TEX46: variants seen among roughly 807,000 people sequenced by gnomAD.
TEX46 encodes testis expressed 46.
Under a neutral mutation model 5.3 loss-of-function variants are expected in TEX46, and 6 were observed. The observed-to-expected ratio is 1.13, with a 90% CI of 0.62 to 2.23. TEX46 has a LOEUF of 2.23. Among genes scored for constraint, TEX46 ranks in the 30% most tolerant of loss-of-function variants. The pLI is 0.00. For missense variants in TEX46, 131 were observed against 150.9 expected, an observed-to-expected ratio of 0.87 and a Z score of 0.69; for synonymous variants, 41 against 54.6, an observed-to-expected ratio of 0.75 and a Z score of 1.10.
intron 1 of TEX46, among the ~76,000 whole-genome samples, chr1:23,015,375 G>A (rs1433384536): frequency 7.1e-6 from 1 of 140,746 alleles, no homozygotes; most frequent in Admixed American, 7.5e-5. Flanking sequence ...GGCAGAGGTT[G>A]CAGTGAGCCG....
At chr1:23,012,406 A>G (rs12135629) in intron 2 of TEX46, among the ~76,000 whole-genome samples, 65,889 of 151,198 alleles carry the variant, frequency 0.44, 14,962 homozygotes, top group East Asian at 0.54. Flanking sequence ...TCAGGCATGC[A>G]AAAAGGTAAA....
chr1:23,011,060 C>T lies in TEX46; in HGVS notation c.207G>A (p.Met69Ile). The change falls in exon 3 of 3, where the codon ATG becomes ATA. Residue 69 changes from methionine (M) to isoleucine (I), a missense_variant. Transcript: ENST00000566855. ...TGAACATCTGATTTTCTAGGACCTT[C>T]ATCTTCATTTCACTGAACAACAGCC... is the stretch of plus-strand genomic sequence containing the variant. ...LQRLLFSEMK[M>I]KVLENQMFII... 1 of 1,536,028 alleles carries T rather than the reference C, an allele frequency of 6.5e-7. No homozygotes were observed. The highest frequency in any genetic ancestry group is 2.4e-5 in the East Asian group (1 of 40,912).
At chr1:23,014,258 T>A in intron 1 of TEX46, 1 of 443,684 alleles carries the variant, frequency 2.3e-6, no homozygotes, top group Non-Finnish European at 3.0e-6. Context: ...TGACAGGCAG[T>A]TTGAAAGCAT....
chr1:23,015,774 G>T lies in TEX46; in HGVS notation c.-1C>A. 1 of 698,158 alleles carries T rather than the reference G, an allele frequency of 1.4e-6. No homozygotes were observed. Among genetic ancestry groups the T allele is most frequent in the South Asian group, 1.5e-5 (1 of 66,898 alleles). The allele number at this position is 698,158 out of a possible 1,614,324, so 43.2% of individuals were successfully genotyped here. ...AAATACCGTATGATTCCACTTACAT[G>T]AGCTATCTACAATAGTCAAATTCAT... On this transcript the variant is annotated splice_region_variant and 5_prime_UTR_variant, in exon 1 of 3. Coordinates refer to ENST00000566855, the MANE Select transcript of TEX46 (RefSeq NM_001242521.2).
At chr1:23,015,313 G>C (rs1303138510) in intron 1 of TEX46, among the ~76,000 whole-genome samples, 1 of 151,424 alleles carries the variant, frequency 6.6e-6, no homozygotes, top group Non-Finnish European at 1.5e-5. Context: ...GCGGGCGCCT[G>C]TCATCTCAGC....
chr1:23,015,803 G>A lies in TEX46; in HGVS notation c.-30C>T. 1.4e-6 allele frequency: 1 copy of A among 698,676 alleles called. No homozygotes were observed. The highest frequency in any genetic ancestry group is 2.6e-6 in the Non-Finnish European group (1 of 382,826). The allele number at this position is 698,676 out of a possible 1,614,324, so 43.3% of individuals were successfully genotyped here. A position where few individuals can be genotyped will look rare whatever the true frequency, so the allele number is the denominator to read the frequency against. On this transcript the variant is annotated 5_prime_UTR_variant, in exon 1 of 3. Coordinates refer to ENST00000566855, the MANE Select transcript of TEX46 (RefSeq NM_001242521.2). Reference sequence around the variant, plus strand: ...TATCTACAATAGTCAAATTCATAGAGGCAAAGAGTAGAATGGTGGCTGCCA... The same window carrying A: ...TATCTACAATAGTCAAATTCATAGAAGCAAAGAGTAGAATGGTGGCTGCCA...
At chr1:23,015,032 AG>A (rs1282431488) in intron 1 of TEX46, among the ~76,000 whole-genome samples, 13 of 151,954 alleles carry the variant, frequency 8.6e-5, no homozygotes, top group African/African-American at 2.9e-4. Flanking sequence ...TAGTGGAGAC[AG>A]GGTTTCACCA....
At chr1:23,013,148 G>A (rs528039536) in intron 2 of TEX46, among the ~76,000 whole-genome samples, 1 of 152,166 alleles carries the variant, frequency 6.6e-6, no homozygotes, top group East Asian at 1.9e-4. Context: ...GATTATAGCT[G>A]TGAGCCACTG....
In TEX46 at chr1:23,015,845, G is replaced by T; in HGVS notation, c.-72C>A. On this transcript the variant is annotated 5_prime_UTR_variant, in exon 1 of 3. Transcript: ENST00000566855. ...TGGCTGCCAGGGTCTGGAAGGAGGG[G>T]CAAATGTAGTCATTGTTTAATGTAT... 1 of 667,000 alleles carries T rather than the reference G, an allele frequency of 1.5e-6. No homozygotes were observed. Among genetic ancestry groups the T allele is most frequent in the African/African-American group, 1.8e-5 (1 of 55,236 alleles). 41.3% of individuals were successfully genotyped at this position (667,000 alleles called of 1,614,324 possible).
chr1:23,015,536 A>C (rs1641408842), intron 1 of TEX46, among the ~76,000 whole-genome samples: 1 of 149,498 alleles, frequency 6.7e-6, no homozygotes, highest in Non-Finnish European at 1.5e-5. Context: ...TCTTGAAGAG[A>C]TATTTGTAGA....
chr1:23,013,646 A>G (rs1324400829), intron 2 of TEX46, among the ~76,000 whole-genome samples: 1 of 152,162 alleles, frequency 6.6e-6, no homozygotes, highest in Non-Finnish European at 1.5e-5. Context: ...AACATGAAAT[A>G]GGAGAGTCTG....
intron 2 of TEX46, 172 bp from the exon 3 acceptor site, chr1:23,011,273 C>CT: frequency 1.7e-6 from 1 of 591,828 alleles, no homozygotes; most frequent in South Asian, 2.2e-5. Flanking sequence ...GCTTGAACAC[C>CT]TGCTCTGTGC....
At chr1:23,013,762 C>T in intron 2 of TEX46, 121 bp downstream of exon 2, 1 of 886,622 alleles carries the variant, frequency 1.1e-6, no homozygotes, top group Non-Finnish European at 1.7e-6. Flanking sequence ...TGGTTTAGAC[C>T]AGTCTTGGAT....
At chr1:23,012,557 T>C (rs1641367921) in intron 2 of TEX46, among the ~76,000 whole-genome samples, 1 of 152,174 alleles carries the variant, frequency 6.6e-6, no homozygotes. Flanking sequence ...AATCCTGCAT[T>C]TAAAATTTAT....
In TEX46 at chr1:23,012,358, T is replaced by TA. The variant is rs11330715; in HGVS notation, c.166-1258dup. 3.3e-3 allele frequency among the ~76,000 whole-genome samples: 467 copies of TA among 141,530 alleles called. 4 individuals are homozygous for TA. The highest frequency in any genetic ancestry group is 0.011 in the African/African-American group (413 of 37,904). The allele number at this position is 141,530 out of a possible 152,430, so 92.8% of individuals were successfully genotyped here. ...ACCCTGTCTCAAAAAACTAAATACA[T>TA]AAAAAAAAAAAAAGGTTAACTGAAA... On this transcript the variant is annotated intron_variant, in intron 2 of 2. Transcript: ENST00000566855.
At chr1:23,012,144 G>C (rs1400568449) in intron 2 of TEX46, among the ~76,000 whole-genome samples, 3 of 152,068 alleles carry the variant, frequency 2.0e-5, no homozygotes, top group Non-Finnish European at 2.9e-5. Flanking sequence ...GAGCCCAGGA[G>C]TTTGAAACCA....
intron 2 of TEX46, among the ~76,000 whole-genome samples, chr1:23,013,342 T>A (rs1641377864): frequency 6.6e-6 from 1 of 151,934 alleles, no homozygotes; most frequent in African/African-American, 2.4e-5. Context: ...CCAGCTAATT[T>A]TTGTATTTTT....
At chr1:23,012,686 T>A (rs1248400563) in intron 2 of TEX46, among the ~76,000 whole-genome samples, 2 of 152,200 alleles carry the variant, frequency 1.3e-5, no homozygotes, top group African/African-American at 4.8e-5. Context: ...GTGTGCTACT[T>A]GGCATCTCAT....
intron 2 of TEX46, among the ~76,000 whole-genome samples, chr1:23,012,625 G>A (rs1417102809): frequency 1.3e-5 from 2 of 152,104 alleles, no homozygotes; most frequent in Non-Finnish European, 2.9e-5. Flanking sequence ...GCCTTCCCCA[G>A]GGGACATTTG....
Sources: gnomAD v4.1 joint callset for allele counts (sites outside exome capture counted in the v4.1 genomes callset) on GRCh38, gnomAD v4.1.1 for gene constraint, MANE v1.5 for transcripts, NCBI Gene and HGNC (gene_info 2026-07-23, HGNC 2026-07-21) for gene names.